BMERB1: variants seen among roughly 807,000 people sequenced by gnomAD.
The protein encoded by BMERB1 is bMERB domain containing 1.
A neutral mutation model predicts 23.6 loss-of-function variants in BMERB1; 12 were observed. The ratio of observed to expected loss-of-function variants is 0.51; its 90% CI spans 0.33 to 0.82. The LOEUF is 0.82. BMERB1 is among the 40% of genes least tolerant of loss of function. The pLI, the probability that BMERB1 is intolerant of heterozygous loss-of-function variation, is 0.03. For missense variants in BMERB1, 247 were observed against 255.4 expected, an observed-to-expected ratio of 0.97 and a Z score of 0.22; for synonymous variants, 122 against 96.6, an observed-to-expected ratio of 1.26 and a Z score of -1.54.
At chr16:15,482,296 C>T (rs1328701730) in intron 1 of BMERB1, among the ~76,000 whole-genome samples, 1 of 152,164 alleles carries the variant, frequency 6.6e-6, no homozygotes, top group Non-Finnish European at 1.5e-5. Flanking sequence ...GAAAAAGAAT[C>T]TGCCCTGAGT....
At chr16:15,583,108 C>G (rs1347988360) in intron 4 of BMERB1, 48 bp from the exon 5 acceptor site, 1 of 1,408,960 alleles carries the variant, frequency 7.1e-7, no homozygotes, top group African/African-American at 1.4e-5. Context: ...TTGATGCTTT[C>G]CTTGCTTGCT....
intron 2 of BMERB1, among the ~76,000 whole-genome samples, chr16:15,555,425 G>GT (rs750794808): frequency 2.6e-5 from 4 of 152,112 alleles, no homozygotes; most frequent in Non-Finnish European, 5.9e-5. Flanking sequence ...AGTTGTTATT[G>GT]TAAGAAAAAT....
At chr16:15,571,836 T>C (rs915694143) in intron 3 of BMERB1, among the ~76,000 whole-genome samples, 1 of 151,962 alleles carries the variant, frequency 6.6e-6, no homozygotes. Flanking sequence ...ACATTTGACT[T>C]CCTCCTCTAC....
chr16:15,586,694 C>A (rs368775133), intron 5 of BMERB1, 23 bp from the exon 6 acceptor site: 3 of 1,571,058 alleles, frequency 1.9e-6, no homozygotes, highest in African/African-American at 1.3e-5. Flanking sequence ...TCCCCCTCTC[C>A]CTGTGCCCAC....
intron 2 of BMERB1, among the ~76,000 whole-genome samples, chr16:15,556,559 A>AAC (rs2030264388): frequency 6.6e-6 from 1 of 152,018 alleles, no homozygotes; most frequent in Non-Finnish European, 1.5e-5. Context: ...GGCTCATCTA[A>AAC]ACCCCTCATC....
At chr16:15,538,535 T>A (rs1282501421) in intron 2 of BMERB1, among the ~76,000 whole-genome samples, 1 of 152,158 alleles carries the variant, frequency 6.6e-6, no homozygotes, top group East Asian at 1.9e-4. Context: ...TACTGTTCCA[T>A]GTCTTCAATG....
chr16:15,551,109 C>T (rs185802742), intron 2 of BMERB1, among the ~76,000 whole-genome samples: 2 of 152,322 alleles, frequency 1.3e-5, no homozygotes, highest in East Asian at 3.9e-4. Flanking sequence ...CAGTATCACT[C>T]GAATGACGGA....
chr16:15,439,904 G>A (rs2050924718), intron 1 of BMERB1, among the ~76,000 whole-genome samples: 2 of 152,184 alleles, frequency 1.3e-5, no homozygotes, highest in South Asian at 4.2e-4. Context: ...TTTGGACAGG[G>A]GAAATGGAGG....
At chr16:15,568,649 TAATTAAATTA>T (rs932033606) in intron 3 of BMERB1, among the ~76,000 whole-genome samples, 1 of 151,912 alleles carries the variant, frequency 6.6e-6, no homozygotes, top group East Asian at 1.9e-4. Flanking sequence ...AAAAAATATA[TAATTAAATTA>T]AATTAAATAT....
At chr16:15,514,851 C>T (rs745434347) in intron 1 of BMERB1, among the ~76,000 whole-genome samples, 5 of 152,104 alleles carry the variant, frequency 3.3e-5, no homozygotes, top group East Asian at 1.9e-4. Context: ...GAGGCCGAGG[C>T]GGGTAGATCA....
intron 1 of BMERB1, among the ~76,000 whole-genome samples, chr16:15,486,698 T>C (rs889624692): frequency 6.6e-6 from 1 of 152,204 alleles, no homozygotes. Flanking sequence ...TTCTAAACTA[T>C]AGTGAAATAT....
At chr16:15,561,638 A>G (rs544929909) in intron 2 of BMERB1, among the ~76,000 whole-genome samples, 2 of 152,020 alleles carry the variant, frequency 1.3e-5, no homozygotes, top group Non-Finnish European at 2.9e-5. Context: ...CATGCCTGTA[A>G]TCCCAGTGCT....
intron 5 of BMERB1, among the ~76,000 whole-genome samples, chr16:15,586,066 A>ATT (rs1017655631): frequency 1.3e-5 from 2 of 151,932 alleles, no homozygotes; most frequent in Admixed American, 6.6e-5. Context: ...GCCTTCTGAA[A>ATT]TTTTTTTTTA....
At chr16:15,444,123 G>GTTTTTTTTTTTTT (rs150793082) in intron 1 of BMERB1, among the ~76,000 whole-genome samples, 688 of 35,594 alleles carry the variant, frequency 0.019, 162 homozygotes, top group African/African-American at 0.032. Context: ...CACCAGCTTT[G>GTTTTTTTTTTTTT]TTTTTTTTTT....
At position 15,560,394 on chromosome 16, in the gene BMERB1, AG is replaced by A. The variant is rs577292880; in HGVS notation, c.231-7587del. 4.8e-3 allele frequency among the ~76,000 whole-genome samples: 728 copies of A among 152,348 alleles called. 3 individuals carry two copies. The highest frequency in any genetic ancestry group is 0.017 in the African/African-American group (689 of 41,590). On this transcript the variant is annotated intron_variant, in intron 2 of 5. Coordinates refer to ENST00000300006, the MANE Select transcript of BMERB1 (RefSeq NM_033201.3). ...AGTGGCCTCTGCTACACGTAGGTCA[AG>A]GTTCTGCATACTTTCATCTTCCTTC...
At chr16:15,499,838 T>C (rs114900540) in intron 1 of BMERB1, among the ~76,000 whole-genome samples, 2,112 of 152,294 alleles carry the variant, frequency 0.014, 56 homozygotes, top group African/African-American at 0.049. Flanking sequence ...CCCGTGTCTT[T>C]CTTCAGCTCA....
intron 1 of BMERB1, among the ~76,000 whole-genome samples, chr16:15,511,346 G>A (rs956056810): frequency 5.3e-5 from 8 of 151,910 alleles, no homozygotes; most frequent in Non-Finnish European, 7.4e-5. Flanking sequence ...GCAGAGGCTC[G>A]GCCAGGTGGC....
chr16:15,489,642 T>C (rs963437833), intron 1 of BMERB1, among the ~76,000 whole-genome samples: 8 of 152,106 alleles, frequency 5.3e-5, no homozygotes, highest in Non-Finnish European at 1.2e-4. Flanking sequence ...AGAGCCAAAC[T>C]TTCTAGCTGG....
intron 3 of BMERB1, among the ~76,000 whole-genome samples, chr16:15,579,719 G>A (rs1331770068): frequency 1.3e-5 from 2 of 151,986 alleles, no homozygotes. Flanking sequence ...CAGGGTTAGT[G>A]TCATTGGCAT....
Sources: allele counts gnomAD v4.1 joint callset (sites outside exome capture counted in the v4.1 genomes callset), GRCh38; gene constraint gnomAD v4.1.1; transcripts MANE v1.5; gene names NCBI Gene and HGNC (gene_info 2026-07-23, HGNC 2026-07-21).